RGS12: variants seen among roughly 807,000 people sequenced by gnomAD.
RGS12 encodes the protein regulator of G protein signaling 12.
RGS12 carries 66 observed loss-of-function variants against 120.1 expected under a neutral mutation model. The ratio of observed to expected loss-of-function variants is 0.55; its 90% CI spans 0.45 to 0.67. The LOEUF (loss-of-function observed/expected upper bound fraction) is 0.67. Ranked by LOEUF, RGS12 falls within the 30% of genes least tolerant of loss-of-function variation. RGS12 has a pLI of 0.00. For missense variants in RGS12, 1,859 were observed against 1,957.7 expected, an observed-to-expected ratio of 0.95 and a Z score of 0.95; for synonymous variants, 827 against 804.7, an observed-to-expected ratio of 1.03 and a Z score of -0.47.
At chr4:3,315,585 A>AG (rs1724686416) in intron 1 of RGS12, among the ~76,000 whole-genome samples, 1 of 152,224 alleles carries the variant, frequency 6.6e-6, no homozygotes, top group Non-Finnish European at 1.5e-5. Flanking sequence ...TGATCAACTA[A>AG]GGGGTTAGAC....
intron 2 of RGS12, among the ~76,000 whole-genome samples, chr4:3,323,039 A>G (rs974569634): frequency 2.6e-5 from 4 of 152,238 alleles, no homozygotes; most frequent in Non-Finnish European, 5.9e-5. Context: ...CACCTGAAGT[A>G]CATCTGAAAA....
In RGS12 at chr4:3,317,313, C is replaced by G. The variant is rs751957160; in HGVS notation, c.1143C>G (p.Pro381=). 3 of 1,614,160 alleles carry G rather than the reference C, an allele frequency of 1.9e-6. No individual in the cohort carries two copies. Among genetic ancestry groups the G allele is most frequent in the Middle Eastern group, 1.6e-4 (1 of 6,062 alleles). ...TGGAATTCCCGGCGTCCTCCCTCCC[C>G]GTCCTGCAGTTCATCTCTGTCCTGT... The part of the protein sequence containing the change: ...GCLEFPASSL[P]VLQFISVLYR... The change falls in exon 2 of 18, where the codon CCC becomes CCG. Residue 381 remains proline (P), a synonymous_variant. Coordinates refer to ENST00000336727, the MANE Select transcript of RGS12 (RefSeq NM_001394154.1).
chr4:3,429,605 C>T (rs990367054), intron 16 of RGS12, among the ~76,000 whole-genome samples: 25 of 152,342 alleles, frequency 1.6e-4, no homozygotes, highest in East Asian at 5.8e-4. Context: ...CCAGTTTAGA[C>T]GCCATCTACC....
At chr4:3,439,208 G>A (rs1425374801) in intron 17 of RGS12, among the ~76,000 whole-genome samples, 1 of 152,074 alleles carries the variant, frequency 6.6e-6, no homozygotes, top group Non-Finnish European at 1.5e-5. Context: ...GGGTTTCTGA[G>A]TGGGTCGGCT....
At chr4:3,306,636 C>G (rs1247374398) in intron 1 of RGS12, among the ~76,000 whole-genome samples, 1 of 152,202 alleles carries the variant, frequency 6.6e-6, no homozygotes, top group Admixed American at 6.5e-5. Context: ...TGCTCCGGCA[C>G]CGAAGCCTCA....
intron 3 of RGS12, among the ~76,000 whole-genome samples, chr4:3,363,881 G>A (rs75925475): frequency 0.019 from 2,828 of 152,200 alleles, 70 homozygotes; most frequent in African/African-American, 0.06. Flanking sequence ...GGAGGTACTT[G>A]AGGAGTGGGC....
chr4:3,394,841 C>A (rs757577738), intron 4 of RGS12, among the ~76,000 whole-genome samples: 1 of 152,046 alleles, frequency 6.6e-6, no homozygotes, highest in African/African-American at 2.4e-5. Context: ...GGACCTCTCA[C>A]CCGACGGCTG....
rs1035785235 is a variant in RGS12, at chr4:3,316,892, C to G, written c.722C>G (p.Pro241Arg). ...GGCTACTTAGGCTCCATTGAGCTTCCTTCCACGAGCTCCAACCTGGAGTCC... is the reference window on the plus strand; with the variant it reads ...GGCTACTTAGGCTCCATTGAGCTTCGTTCCACGAGCTCCAACCTGGAGTCC... ...IVGYLGSIEL[P>R]STSSNLESDS... is the part of the protein sequence containing the mutation. Residue 241 changes from proline (P) to arginine (R), a missense_variant, in exon 2 of 18, where the codon CCT becomes CGT. Pro to Arg is a moderately radical substitution (Grantham distance 103). Around this residue, in one of 3 missense-constraint regions of RGS12, gnomAD observed 967 missense variants for 994.2 expected, o/e 0.97. Transcript: ENST00000336727. 3.7e-6 allele frequency: 6 copies of G among 1,613,966 alleles called. No individual in the cohort carries two copies. In the African/African-American group the frequency reaches 8.0e-5, roughly 22 times the overall value.
At chr4:3,327,599 AAAGTGGGC>A (rs1009280748) in intron 2 of RGS12, among the ~76,000 whole-genome samples, 33 of 152,390 alleles carry the variant, frequency 2.2e-4, no homozygotes, top group African/African-American at 7.7e-4. Context: ...ACGCCATTAA[AAAGTGGGC>A]AAAGGATACG....
chr4:3,412,968 C>T (rs1429719252), intron 4 of RGS12: 1 of 151,952 alleles, frequency 6.6e-6, no homozygotes, highest in African/African-American at 2.4e-5. Flanking sequence ...CCCCACACTG[C>T]TCACGTCAGG....
chr4:3,406,719 C>A (rs186544839), intron 4 of RGS12, among the ~76,000 whole-genome samples: 1 of 152,242 alleles, frequency 6.6e-6, no homozygotes, highest in African/African-American at 2.4e-5. Flanking sequence ...CCAGGAGATC[C>A]TCTCAGAGAT....
intron 4 of RGS12, among the ~76,000 whole-genome samples, chr4:3,388,477 T>A (rs1054999703): frequency 3.9e-5 from 6 of 152,034 alleles, no homozygotes; most frequent in Non-Finnish European, 8.8e-5. Context: ...CGAGGCAGAG[T>A]GGGGAGATCC....
intron 5 of RGS12, 86 bp downstream of exon 5, chr4:3,414,327 A>G: frequency 7.1e-7 from 1 of 1,409,990 alleles, no homozygotes; most frequent in Non-Finnish European, 9.4e-7. Flanking sequence ...CCCTAGAGAC[A>G]GCGGCACCCT....
chr4:3,429,432 G>A (rs939212782), intron 16 of RGS12, among the ~76,000 whole-genome samples: 5 of 152,160 alleles, frequency 3.3e-5, no homozygotes, highest in African/African-American at 1.2e-4. Context: ...CTGACCTCAC[G>A]GTAAAACTAA....
upstream of RGS12, among the ~76,000 whole-genome samples, chr4:3,289,924 T>C (rs1358298241): frequency 6.6e-6 from 1 of 152,266 alleles, no homozygotes; most frequent in Non-Finnish European, 1.5e-5. Context: ...TGTCTTTCTG[T>C]GCCTGGCTTA....
intron 3 of RGS12, among the ~76,000 whole-genome samples, chr4:3,364,286 G>A (rs113443225): frequency 4.6e-5 from 7 of 152,106 alleles, no homozygotes; most frequent in Admixed American, 1.3e-4. Context: ...TCCATCTGCC[G>A]TAACTGTGAC....
intron 13 of RGS12, chr4:3,423,894 G>C (rs1429975412): frequency 9.3e-6 from 4 of 429,916 alleles, no homozygotes; most frequent in African/African-American, 2.0e-5. Context: ...TTTGCTCCAG[G>C]GAGGCCAAAA....
At chr4:3,327,546 T>G (rs755393979) in intron 2 of RGS12, among the ~76,000 whole-genome samples, 11 of 152,136 alleles carry the variant, frequency 7.2e-5, no homozygotes, top group Non-Finnish European at 1.5e-4. Flanking sequence ...GGGTCTAATA[T>G]CCAGAATATA....
chr4:3,381,433 G>A (rs1718245525), intron 3 of RGS12, among the ~76,000 whole-genome samples: 1 of 152,190 alleles, frequency 6.6e-6, no homozygotes, highest in Non-Finnish European at 1.5e-5. Flanking sequence ...TTATCATGCT[G>A]CTGTGAAGAA....
Sources: gnomAD v4.1 joint callset for allele counts (sites outside exome capture counted in the v4.1 genomes callset) on GRCh38, gnomAD v4.1.1 for gene constraint, gnomAD v4.1.1 regional missense constraint, MANE v1.5 for transcripts, NCBI Gene and HGNC (gene_info 2026-07-23, HGNC 2026-07-21) for gene names.